The following PRKCB variants were observed in gnomAD, a reference collection of about 807,000 sequenced individuals.
The protein encoded by PRKCB is protein kinase C beta type.
Under a neutral mutation model 81.5 loss-of-function variants are expected in PRKCB, and 13 were observed. That is an observed-to-expected ratio of 0.16 (90% CI 0.10 to 0.25). PRKCB has a LOEUF of 0.25. Among genes scored for constraint, PRKCB ranks in the 10% least tolerant of loss-of-function variants. The probability of loss-of-function intolerance (pLI) is 1.00; values close to 1 mark genes in which losing one functional copy is unlikely to be tolerated. For synonymous variants in PRKCB, 335 were observed against 321.4 expected (o/e 1.04, Z -0.45); for missense variants, 509 against 875.7 (o/e 0.58, Z 5.29).
At chr16:24,018,074 A>AT (rs1018116152) in intron 3 of PRKCB, among the ~76,000 whole-genome samples, 37 of 150,972 alleles carry the variant, frequency 2.5e-4, no homozygotes, top group Non-Finnish European at 4.9e-4. Context: ...AATTTTTTGT[A>AT]TTTTTTAGTA....
At chr16:23,974,438 A>G (rs75091385) in intron 2 of PRKCB, among the ~76,000 whole-genome samples, 7,903 of 152,224 alleles carry the variant, frequency 0.052, 327 homozygotes, top group Middle Eastern at 0.12. Flanking sequence ...AACTTCCTCT[A>G]GGATAGGGAA....
intron 3 of PRKCB, among the ~76,000 whole-genome samples, chr16:24,022,890 C>T (rs1173659276): frequency 2.0e-5 from 3 of 152,210 alleles, no homozygotes; most frequent in Non-Finnish European, 2.9e-5. Flanking sequence ...AGCTTCTTTA[C>T]AGGCTTGATA....
At chr16:23,847,207 G>A (rs1045175819) in intron 2 of PRKCB, among the ~76,000 whole-genome samples, 3 of 152,108 alleles carry the variant, frequency 2.0e-5, no homozygotes, top group Admixed American at 1.3e-4. Context: ...CTCTAGGGAA[G>A]GAGTATCAAA....
intron 3 of PRKCB, among the ~76,000 whole-genome samples, chr16:24,018,926 G>C (rs961313526): frequency 6.6e-6 from 1 of 152,026 alleles, no homozygotes; most frequent in Admixed American, 6.6e-5. Flanking sequence ...CTCAATTAAG[G>C]TTTCCCTACT....
At chr16:24,119,350 C>A (rs190565429) in intron 8 of PRKCB, among the ~76,000 whole-genome samples, 7 of 152,058 alleles carry the variant, frequency 4.6e-5, no homozygotes, top group South Asian at 2.1e-4. Context: ...TCCCACCCCC[C>A]CAAAAAAGTC....
In PRKCB at chr16:24,000,062, G is replaced by A. The variant is rs573224964; in HGVS notation, c.288+11472G>A. Among the ~76,000 whole-genome samples the A allele has an allele frequency of 6.2e-4, 95 of 152,324 alleles. No individual in the cohort carries two copies. In the East Asian group the frequency reaches 0.015, roughly 24 times the overall value. ...GAGAGCATCTCCCAACACTTTTTAA[G>A]CCTTTGTATCATGTTTGCTAATGTC... On this transcript the variant is annotated intron_variant, in intron 3 of 16. Coordinates refer to ENST00000643927, the MANE Select transcript of PRKCB (RefSeq NM_002738.7).
chr16:23,914,424 A>G (rs1597243219), intron 2 of PRKCB, among the ~76,000 whole-genome samples: 1 of 152,166 alleles, frequency 6.6e-6, no homozygotes, highest in East Asian at 1.9e-4. Context: ...CAGCATCATA[A>G]GTCACTGTCT....
intron 9 of PRKCB, among the ~76,000 whole-genome samples, chr16:24,135,310 C>CTTTTTTTT (rs33975464): frequency 1.8e-5 from 2 of 112,276 alleles, no homozygotes; most frequent in African/African-American, 3.5e-5. Context: ...CTCAGTGTCC[C>CTTTTTTTT]TTTTTTTTTT....
At chr16:24,192,626 T>A (rs1596591705) in intron 16 of PRKCB, among the ~76,000 whole-genome samples, 1 of 152,170 alleles carries the variant, frequency 6.6e-6, no homozygotes, top group Non-Finnish European at 1.5e-5. Flanking sequence ...CCCACCAGCA[T>A]AGAACCCAGC....
intron 7 of PRKCB, among the ~76,000 whole-genome samples, chr16:24,100,177 A>G (rs1158333534): frequency 6.6e-6 from 1 of 152,086 alleles, no homozygotes; most frequent in Non-Finnish European, 1.5e-5. Context: ...AAACTCCCAA[A>G]GAAAGGAGGC....
chr16:23,946,409 T>A (rs1382545881), intron 2 of PRKCB, among the ~76,000 whole-genome samples: 1 of 152,178 alleles, frequency 6.6e-6, no homozygotes, highest in Non-Finnish European at 1.5e-5. Flanking sequence ...TACCTTGCTG[T>A]CATCCATCAT....
At chr16:23,954,718 T>C (rs550283863) in intron 2 of PRKCB, among the ~76,000 whole-genome samples, 1 of 152,190 alleles carries the variant, frequency 6.6e-6, no homozygotes, top group African/African-American at 2.4e-5. Context: ...CCATCTGAAG[T>C]TGGGAATAAA....
intron 2 of PRKCB, among the ~76,000 whole-genome samples, chr16:23,883,413 G>A (rs770088331): frequency 5.3e-5 from 8 of 152,158 alleles, no homozygotes; most frequent in Non-Finnish European, 1.0e-4. Flanking sequence ...TTGCTGGGGC[G>A]TGGTGGGTGT....
At chr16:24,120,515 C>T (rs139371094) in intron 8 of PRKCB, among the ~76,000 whole-genome samples, 134 of 152,134 alleles carry the variant, frequency 8.8e-4, no homozygotes, top group African/African-American at 3.2e-3. Context: ...TCATCTCTGC[C>T]CACCCTCTTC....
chr16:23,936,954 C>T (rs545002491), intron 2 of PRKCB, among the ~76,000 whole-genome samples: 8 of 152,260 alleles, frequency 5.3e-5, no homozygotes, highest in East Asian at 3.9e-4. Context: ...GGAAATTTCA[C>T]GAAGGCATCA....
chr16:24,210,149 G>A (rs947401723), intron 16 of PRKCB, among the ~76,000 whole-genome samples: 5 of 151,914 alleles, frequency 3.3e-5, no homozygotes, highest in South Asian at 2.1e-4. Flanking sequence ...CAAAACATAC[G>A]TCATCATATC....
intron 2 of PRKCB, among the ~76,000 whole-genome samples, chr16:23,891,581 T>C (rs1963296092): frequency 6.6e-6 from 1 of 152,164 alleles, no homozygotes. Context: ...GTTAGGCCTA[T>C]CTGCAAGAAG....
chr16:23,995,715 A>T (rs2141826829), intron 3 of PRKCB, among the ~76,000 whole-genome samples: 1 of 152,306 alleles, frequency 6.6e-6, no homozygotes, highest in South Asian at 2.1e-4. Context: ...AGGCACAAGT[A>T]CGATACATGA....
chr16:23,950,556 G>T (rs946249297), intron 2 of PRKCB, among the ~76,000 whole-genome samples: 1 of 152,208 alleles, frequency 6.6e-6, no homozygotes, highest in Non-Finnish European at 1.5e-5. Context: ...ACCTCTCTGA[G>T]TTCCTTTTAA....
Sources: allele counts gnomAD v4.1 joint callset (sites outside exome capture counted in the v4.1 genomes callset), GRCh38; gene constraint gnomAD v4.1.1; transcripts MANE v1.5; gene names NCBI Gene and HGNC (gene_info 2026-07-23, HGNC 2026-07-21).